Variants in PSMD4 observed in about 807,000 individuals in gnomAD.
The protein encoded by PSMD4 is 26S proteasome non-ATPase regulatory subunit 4.
A neutral mutation model predicts 39.7 loss-of-function variants in PSMD4; 5 were observed. The ratio of observed to expected loss-of-function variants is 0.13; its 90% CI spans 0.07 to 0.26. The LOEUF is 0.26. Ranked by LOEUF, PSMD4 falls within the 10% of genes least tolerant of loss-of-function variation. The probability of loss-of-function intolerance (pLI) is 1.00; values close to 1 mark genes in which losing one functional copy is unlikely to be tolerated. For synonymous variants in PSMD4, 143 were observed against 174.6 expected, an observed-to-expected ratio of 0.82 and a Z score of 1.43; for missense variants, 272 against 486.1, an observed-to-expected ratio of 0.56 and a Z score of 4.14.
At position 151,266,048 on chromosome 1, in the gene PSMD4, G is replaced by A. The variant is rs1693442040; in HGVS notation, c.699G>A (p.Glu233=). 2 of 1,607,818 alleles carry A rather than the reference G, an allele frequency of 1.2e-6. No individual in the cohort carries two copies. The highest frequency in any genetic ancestry group is 1.7e-4 in the Middle Eastern group (1 of 5,726). ...AAGAGCAGCGGCAGCGGCAGGAGGA[G>A]GAGGCCCGGCGGGCAGCTGCAGCTT... ...SMEEQRQRQE[E]EARRAAAASA... Residue 233 remains glutamate (E), a synonymous_variant, in exon 7 of 10, where the codon GAG becomes GAA. Transcript: ENST00000368884.
chr1:151,260,130 C>T (rs1558320724), intron 1 of PSMD4, among the ~76,000 whole-genome samples: 1 of 150,760 alleles, frequency 6.6e-6, no homozygotes, highest in African/African-American at 2.4e-5. Flanking sequence ...ACCTGGTAGG[C>T]GGAGGTTGCG....
intron 9 of PSMD4, chr1:151,266,809 G>A: frequency 1.3e-6 from 1 of 752,800 alleles, no homozygotes; most frequent in Non-Finnish European, 2.3e-6. Flanking sequence ...TTGCTGGTGG[G>A]AGCAGCCTGG....
At chr1:151,256,732 C>G (rs985887677) in intron 1 of PSMD4, among the ~76,000 whole-genome samples, 9 of 149,558 alleles carry the variant, frequency 6.0e-5, no homozygotes. Context: ...GCCACTGTGC[C>G]CGGCTCCTTT....
chr1:151,258,331 GTATT>G (rs1429445790), intron 1 of PSMD4, among the ~76,000 whole-genome samples: 1 of 151,578 alleles, frequency 6.6e-6, no homozygotes, highest in Non-Finnish European at 1.5e-5. Flanking sequence ...CCCAGCCAAG[GTATT>G]TTATTCTTTT....
Position 151,266,099 on chromosome 1 carries a change from G to T in PSMD4, c.750G>T (p.Thr250=). The T allele has an allele frequency of 1.2e-6, 2 of 1,605,134 alleles. No homozygotes were observed. Among genetic ancestry groups the T allele is most frequent in the South Asian group, 1.1e-5 (1 of 89,584 alleles). The change falls in exon 7 of 10, where the codon ACG becomes ACT. Residue 250 remains threonine (T), a synonymous_variant. Coordinates refer to ENST00000368884, the MANE Select transcript of PSMD4 (RefSeq NM_002810.4). ...CTGCTGCTGAGGCCGGGATTGCTAC[G>T]ACTGGGACTGAAGGTGAAAGAGGTG... ...AASAAEAGIA[T]TGTEDSDDAL...
At chr1:151,262,068 G>T in intron 1 of PSMD4, 93 bp from the exon 2 acceptor site, 1 of 1,388,058 alleles carries the variant, frequency 7.2e-7, no homozygotes, top group South Asian at 1.2e-5. Context: ...ATGCTATGAA[G>T]ACTGCTGCTA....
chr1:151,266,457 T>A lies in PSMD4; in HGVS notation c.895+18T>A, dbSNP rs1358179081. 6.2e-7 allele frequency: 1 copy of A among 1,614,094 alleles called. No individual in the cohort carries two copies. The highest frequency in any genetic ancestry group is 8.5e-7 in the Non-Finnish European group (1 of 1,180,004). On this transcript the variant is annotated intron_variant, in intron 8 of 9. Coordinates refer to ENST00000368884, the MANE Select transcript of PSMD4 (RefSeq NM_002810.4). ...GGGAGCAGGTGAGCCAGAGCCTGGGTGGTGCCTAGGCAGAGGTTGGGGTGA... is the reference window on the plus strand; with the variant it reads ...GGGAGCAGGTGAGCCAGAGCCTGGGAGGTGCCTAGGCAGAGGTTGGGGTGA...
chr1:151,266,779 T>TAG, intron 9 of PSMD4, 192 bp downstream of exon 9: 1 of 813,306 alleles, frequency 1.2e-6, no homozygotes, highest in South Asian at 1.6e-5. Context: ...AATGTCCTCT[T>TAG]GTTCTGTAAT....
At chr1:151,261,297 T>TC (rs1006683956) in intron 1 of PSMD4, among the ~76,000 whole-genome samples, 1 of 147,830 alleles carries the variant, frequency 6.8e-6, no homozygotes, top group African/African-American at 2.5e-5. Context: ...TGCCTCAGCC[T>TC]CCCGAGTAGC....
intron 8 of PSMD4, 29 bp downstream of exon 8, chr1:151,266,468 C>A: frequency 1.2e-6 from 2 of 1,614,218 alleles, no homozygotes; most frequent in Non-Finnish European, 1.7e-6. Context: ...GGTGCCTAGG[C>A]AGAGGTTGGG....
At chr1:151,256,006 T>C (rs1327254466) in intron 1 of PSMD4, among the ~76,000 whole-genome samples, 4 of 152,040 alleles carry the variant, frequency 2.6e-5, no homozygotes, top group Non-Finnish European at 5.9e-5. Flanking sequence ...ATCAGTGATA[T>C]TGAGGTTTTT....
At chr1:151,267,050 T>C (rs1450351044) in intron 9 of PSMD4, 123 bp from the exon 10 acceptor site, 12 of 1,168,888 alleles carry the variant, frequency 1.0e-5, no homozygotes, top group Non-Finnish European at 1.5e-5. Context: ...CGACCAGAGG[T>C]GCCCAGATCC....
At chr1:151,261,186 T>C (rs1013573637) in intron 1 of PSMD4, among the ~76,000 whole-genome samples, 93 of 148,046 alleles carry the variant, frequency 6.3e-4, no homozygotes, top group East Asian at 3.7e-3. Context: ...TTTTCTTTTT[T>C]TTTTTTTTTT....
chr1:151,266,194 T>TG, intron 7 of PSMD4, 82 bp downstream of exon 7: 2 of 1,591,298 alleles, frequency 1.3e-6, no homozygotes, highest in Non-Finnish European at 1.7e-6. Flanking sequence ...AGGGAGAGTG[T>TG]GGAGGTCTGA....
chr1:151,266,193 G>T, intron 7 of PSMD4, 81 bp downstream of exon 7: 2 of 1,591,218 alleles, frequency 1.3e-6, no homozygotes, highest in Non-Finnish European at 1.7e-6. Context: ...CAGGGAGAGT[G>T]TGGAGGTCTG....
chr1:151,265,657 C>T, intron 6 of PSMD4, 48 bp downstream of exon 6: 1 of 1,565,708 alleles, frequency 6.4e-7, no homozygotes, highest in East Asian at 2.2e-5. Context: ...CCTCTTTGTT[C>T]TCTTCTGGCA....
chr1:151,254,882 TG>T, intron 1 of PSMD4, 74 bp downstream of exon 1: 1 of 967,396 alleles, frequency 1.0e-6, no homozygotes, highest in African/African-American at 1.8e-5. Flanking sequence ...AGGGAGGGCC[TG>T]GGGTGGGGGC....
At chr1:151,265,931 C>T in intron 6 of PSMD4, 73 bp from the exon 7 acceptor site, 2 of 1,497,038 alleles carry the variant, frequency 1.3e-6, no homozygotes, top group Non-Finnish European at 1.8e-6. Flanking sequence ...CTTTCCCACA[C>T]CCCAACTGAC....
intron 9 of PSMD4, chr1:151,266,853 A>G: frequency 1.4e-6 from 1 of 718,734 alleles, no homozygotes; most frequent in Non-Finnish European, 2.5e-6. Context: ...AGGAGGGAAA[A>G]AAGCGGGTCT....
Sources: gnomAD v4.1 joint callset for allele counts (sites outside exome capture counted in the v4.1 genomes callset) on GRCh38, gnomAD v4.1.1 for gene constraint, MANE v1.5 for transcripts, NCBI Gene and HGNC (gene_info 2026-07-23, HGNC 2026-07-21) for gene names.